Variants in DMD observed in about 807,000 individuals in gnomAD.
DMD encodes the protein dystrophin, also known as mutant dystrophin.
DMD carries 63 observed loss-of-function variants against 330.1 expected under a neutral mutation model. That is an observed-to-expected ratio of 0.19 (90% CI 0.16 to 0.24). The LOEUF is 0.24. Ranked by LOEUF, DMD falls within the 10% of genes least tolerant of loss-of-function variation. DMD has a pLI of 1.00. For synonymous variants in DMD, 1,223 were observed against 959.8 expected (o/e 1.27, Z -5.07); for missense variants, 3,344 against 2,684.1 (o/e 1.25, Z -5.43).
At chrX:32,747,432 A>G (rs1350964408) in intron 7 of DMD, among the ~76,000 whole-genome samples, 1 of 111,336 alleles carries the variant, frequency 9.0e-6, no homozygotes, top group Non-Finnish European at 1.9e-5. Flanking sequence ...TACTCAATCA[A>G]GCGTGAGAGT....
At position 32,023,884 on chromosome X, in the gene DMD, T is replaced by C. The variant is rs191857775; in HGVS notation, c.6439-55370A>G. On this transcript the variant is annotated intron_variant, in intron 44 of 78. Coordinates refer to ENST00000357033, the MANE Select transcript of DMD (RefSeq NM_004006.3). ...CTCGCTTAAAAGTGGGAGCTAAACA[T>C]TGAGTGCACATGGACATAAAGACAG... 5.4e-5 allele frequency among the ~76,000 whole-genome samples: 6 copies of C among 110,507 alleles called. No individual in the cohort carries two copies. The East Asian group carries it at 1.2e-3, about 21-fold the overall frequency.
chrX:32,833,257 T>TA (rs1270663778), intron 4 of DMD, among the ~76,000 whole-genome samples: 1 of 111,417 alleles, frequency 9.0e-6, no homozygotes, highest in Non-Finnish European at 1.9e-5. Context: ...TTTGTTTATA[T>TA]ACTGCCTCTT....
intron 1 of DMD, among the ~76,000 whole-genome samples, chrX:33,230,854 G>A (rs753627238): frequency 9.0e-6 from 1 of 110,645 alleles, no homozygotes; most frequent in Non-Finnish European, 1.9e-5. Flanking sequence ...TAAGAGGTAG[G>A]TATGCAAAGA....
At chrX:31,400,647 A>T (rs1351921179) in intron 60 of DMD, among the ~76,000 whole-genome samples, 2 of 112,140 alleles carry the variant, frequency 1.8e-5, no homozygotes, top group Non-Finnish European at 3.8e-5. Context: ...GGAACAACAG[A>T]GGGAACGAAA....
Position 32,096,523 on chromosome X carries a change from T to A in DMD, c.6438+120393A>T, listed in dbSNP as rs750710367. ...CTGTGATAACAGTAGAAAGCTCAAA[T>A]AAATAATTTTTTTAAAGTTCCAAGG... On this transcript the variant is annotated intron_variant, in intron 44 of 78. Coordinates refer to ENST00000357033, the MANE Select transcript of DMD (RefSeq NM_004006.3). 4.6e-5 allele frequency among the ~76,000 whole-genome samples: 5 copies of A among 107,950 alleles called. No individual in the cohort carries two copies. The East Asian group carries it at 1.5e-3, about 31-fold the overall frequency. 93.7% of individuals were successfully genotyped at this position (107,950 alleles called of 115,157 possible).
intron 60 of DMD, among the ~76,000 whole-genome samples, chrX:31,432,333 A>G (rs2149007828): frequency 8.9e-6 from 1 of 111,833 alleles, no homozygotes; most frequent in Admixed American, 9.5e-5. Context: ...TTTTCTTACA[A>G]CCCAGCAGGG....
At chrX:31,519,779 A>T (rs1265805259) in intron 55 of DMD, among the ~76,000 whole-genome samples, 1 of 112,102 alleles carries the variant, frequency 8.9e-6, no homozygotes, top group Non-Finnish European at 1.9e-5. Flanking sequence ...ATAAGTTTTG[A>T]ATGTTAAAGA....
At chrX:33,306,180 C>G (rs1024514313) in intron 1 of DMD, among the ~76,000 whole-genome samples, 13 of 111,955 alleles carry the variant, frequency 1.2e-4, no homozygotes, top group African/African-American at 4.2e-4. Flanking sequence ...TCTCCCTATG[C>G]AGTTGTCTTC....
At chrX:32,126,449 T>A (rs1016864814) in intron 44 of DMD, among the ~76,000 whole-genome samples, 8 of 112,209 alleles carry the variant, frequency 7.1e-5, no homozygotes, top group Non-Finnish European at 1.3e-4. Context: ...CAATTCTGTA[T>A]GCTTGCCAGA....
intron 64 of DMD, among the ~76,000 whole-genome samples, chrX:31,217,750 C>T (rs1421601658): frequency 8.9e-6 from 1 of 111,981 alleles, no homozygotes; most frequent in Non-Finnish European, 1.9e-5. Context: ...TGTGACCACA[C>T]ATATGTTCAA....
At chrX:32,476,406 T>C (rs1388376225) in intron 21 of DMD, among the ~76,000 whole-genome samples, 2 of 111,749 alleles carry the variant, frequency 1.8e-5, no homozygotes, top group Non-Finnish European at 3.8e-5. Flanking sequence ...TCAAAAAATC[T>C]AATCTCTTGG....
intron 16 of DMD, among the ~76,000 whole-genome samples, chrX:32,548,567 C>T (rs962336812): frequency 4.5e-5 from 5 of 111,454 alleles, no homozygotes; most frequent in African/African-American, 1.6e-4. Flanking sequence ...CATTGGAAAA[C>T]GTTTGCTTTA....
intron 51 of DMD, among the ~76,000 whole-genome samples, chrX:31,766,067 G>T (rs1445346519): frequency 9.0e-6 from 1 of 110,794 alleles, no homozygotes; most frequent in African/African-American, 3.3e-5. Context: ...TAAAAGGCAG[G>T]TCCTAAACTT....
At chrX:32,322,974 C>A (rs1330976321) in intron 41 of DMD, among the ~76,000 whole-genome samples, 4 of 112,128 alleles carry the variant, frequency 3.6e-5, no homozygotes, top group Non-Finnish European at 7.5e-5. Context: ...TCATGTGTTC[C>A]AACCAAATTA....
At chrX:32,429,387 G>T (rs201958850) in intron 29 of DMD, among the ~76,000 whole-genome samples, 19 of 44,195 alleles carry the variant, frequency 4.3e-4, no homozygotes, top group African/African-American at 1.2e-3. Flanking sequence ...TTTTTTTTGG[G>T]TTTTTTTTTT....
In DMD at chrX:32,484,985, C is replaced by T. The variant is rs930760657; in HGVS notation, c.2737G>A (p.Ala913Thr). 8.3e-7 allele frequency: 1 copy of T among 1,209,798 alleles called. No individual in the cohort carries two copies. Among genetic ancestry groups the T allele is most frequent in the African/African-American group, 1.7e-5 (1 of 57,183 alleles). ...ACTTGCTTAAAATGATTTGTAAAGG[C>T]CACAAAGTCTGCATCCAGGAACATG... is the stretch of plus-strand genomic sequence containing the variant. ...GPMFLDADFVAFTNHFKQVFS... is the reference protein window; with the variant it reads ...GPMFLDADFVTFTNHFKQVFS... Residue 913 changes from alanine (A) to threonine (T), a missense_variant, in exon 21 of 79, where the codon GCC becomes ACC. Coordinates refer to ENST00000357033, the MANE Select transcript of DMD (RefSeq NM_004006.3).
chrX:32,947,911 A>G (rs1328841139), intron 2 of DMD, among the ~76,000 whole-genome samples: 2 of 111,437 alleles, frequency 1.8e-5, no homozygotes, highest in African/African-American at 6.5e-5. Context: ...TATTTGAGGT[A>G]CAACAGACCG....
rs145706539 is a variant in DMD, at chrX:32,768,449, G to C, written c.649+41044C>G. 5.6e-3 allele frequency among the ~76,000 whole-genome samples: 630 copies of C among 112,002 alleles called. 5 individuals carry two copies. Among genetic ancestry groups the C allele is most frequent in the Middle Eastern group, 9.2e-3 (2 of 218 alleles). On this transcript the variant is annotated intron_variant, in intron 7 of 78. Coordinates refer to ENST00000357033, the MANE Select transcript of DMD (RefSeq NM_004006.3). ...TTTTGTCACCAAGACAAGTGTATCT[G>C]ATCTAACACAAATTGAACACTTTTC...
chrX:33,236,242 C>T (rs2052479548), intron 1 of DMD, among the ~76,000 whole-genome samples: 1 of 104,205 alleles, frequency 9.6e-6, no homozygotes, highest in Non-Finnish European at 2.0e-5. Context: ...AAACGAGTGC[C>T]AATATTTGGC....
Sources: allele counts gnomAD v4.1 joint callset (sites outside exome capture counted in the v4.1 genomes callset), GRCh38; gene constraint gnomAD v4.1.1; transcripts MANE v1.5; gene names NCBI Gene and HGNC (gene_info 2026-07-23, HGNC 2026-07-21).